The following TRIM33 variants were observed in gnomAD, a reference collection of about 807,000 sequenced individuals.
TRIM33 encodes E3 ubiquitin-protein ligase TRIM33.
Under a neutral mutation model 125.4 loss-of-function variants are expected in TRIM33, and 20 were observed. The observed-to-expected ratio is 0.16, with a 90% CI of 0.11 to 0.23. The LOEUF (loss-of-function observed/expected upper bound fraction) is 0.23. Ranked by LOEUF, TRIM33 falls within the 10% of genes least tolerant of loss-of-function variation. The pLI, the probability that TRIM33 is intolerant of heterozygous loss-of-function variation, is 1.00. For synonymous variants in TRIM33, 564 were observed against 513.9 expected (o/e 1.10, Z -1.32); for missense variants, 920 against 1,411.4 (o/e 0.65, Z 5.58).
intron 11 of TRIM33, among the ~76,000 whole-genome samples, chr1:114,416,094 T>C (rs951896256): frequency 2.6e-5 from 4 of 152,148 alleles, no homozygotes; most frequent in Non-Finnish European, 4.4e-5. Context: ...CATGGTAAGT[T>C]CTCAGATATT....
rs138826778 is a variant in TRIM33 at position 114,444,319 on chromosome 1, T to C, written c.924-10586A>G. Reference sequence around the variant, plus strand: ...CTGGGCTATATATGACAGGGTGAGATTACACAAAGTTTAGCAGACTGCCGT... The same window carrying C: ...CTGGGCTATATATGACAGGGTGAGACTACACAAAGTTTAGCAGACTGCCGT... On this transcript the variant is annotated intron_variant, in intron 4 of 19. Transcript: ENST00000358465. 5.2e-3 allele frequency among the ~76,000 whole-genome samples: 796 copies of C among 152,176 alleles called. 5 individuals are homozygous for C. Among genetic ancestry groups the C allele is most frequent in the South Asian group, 0.012 (58 of 4,826 alleles).
intron 11 of TRIM33, among the ~76,000 whole-genome samples, chr1:114,411,136 C>T (rs1319978307): frequency 1.3e-5 from 2 of 152,120 alleles, no homozygotes; most frequent in Non-Finnish European, 2.9e-5. Flanking sequence ...ACCTCCCAGG[C>T]TCAAGCCATG....
At chr1:114,414,989 A>ATTTTTTTTTTTTTTT (rs56960865) in intron 11 of TRIM33, among the ~76,000 whole-genome samples, 7 of 104,702 alleles carry the variant, frequency 6.7e-5, no homozygotes, top group Non-Finnish European at 1.3e-4. Flanking sequence ...GGTAGATTCT[A>ATTTTTTTTTTTTTTT]TTTTTTTTTT....
chr1:114,491,589 A>AGG (rs1352008779), intron 1 of TRIM33, among the ~76,000 whole-genome samples: 2 of 152,144 alleles, frequency 1.3e-5, no homozygotes, highest in African/African-American at 4.8e-5. Context: ...ATAAAGCTTG[A>AGG]GTCCAGAGTT....
intron 17 of TRIM33, among the ~76,000 whole-genome samples, chr1:114,400,209 A>C (rs1424554957): frequency 1.3e-5 from 2 of 152,076 alleles, no homozygotes; most frequent in East Asian, 3.9e-4. Flanking sequence ...CTGATTGACT[A>C]ATTGATTTTT....
intron 1 of TRIM33, among the ~76,000 whole-genome samples, chr1:114,503,262 A>G (rs922068454): frequency 6.6e-6 from 1 of 152,146 alleles, no homozygotes; most frequent in African/African-American, 2.4e-5. Flanking sequence ...GGGCAGATCA[A>G]CTGAGGTCAG....
intron 11 of TRIM33, 43 bp from the exon 12 acceptor site, chr1:114,410,359 CAGAGA>C (rs1557847159): frequency 6.3e-7 from 1 of 1,581,756 alleles, no homozygotes. Context: ...TTGATTAAAG[CAGAGA>C]AGTTATTAAT....
rs1557880087 is a variant in TRIM33 at position 114,463,086 on chromosome 1, C to T, written c.923+18G>A. ...ACTTTTTATAGTATTTCCTGGTAAG[C>T]AATTATGATTTCTGTACCTATGTTC... On this transcript the variant is annotated intron_variant, in intron 4 of 19. Transcript: ENST00000358465. 1 of 1,558,168 alleles carries T rather than the reference C, an allele frequency of 6.4e-7. No individual in the cohort carries two copies. Among genetic ancestry groups the T allele is most frequent in the South Asian group, 1.2e-5 (1 of 81,294 alleles).
At chr1:114,442,165 C>A (rs556160308) in intron 4 of TRIM33, among the ~76,000 whole-genome samples, 2 of 152,054 alleles carry the variant, frequency 1.3e-5, no homozygotes, top group Admixed American at 6.6e-5. Flanking sequence ...GAATATCTAC[C>A]GAACAAATGA....
At chr1:114,490,084 CAAAA>C (rs776451339) in intron 1 of TRIM33, among the ~76,000 whole-genome samples, 903 of 37,572 alleles carry the variant, frequency 0.024, 5 homozygotes, top group African/African-American at 0.088. Flanking sequence ...GACTCCGTCT[CAAAA>C]AAAAAAAAAA....
At chr1:114,418,393 G>A (rs570165715) in intron 11 of TRIM33, among the ~76,000 whole-genome samples, 255 of 152,310 alleles carry the variant, frequency 1.7e-3, no homozygotes, top group Non-Finnish European at 2.9e-3. Context: ...AAGAGTCGGG[G>A]AGGATCTGAT....
intron 1 of TRIM33, among the ~76,000 whole-genome samples, chr1:114,476,082 C>A (rs867000460): frequency 1.3e-5 from 2 of 151,750 alleles, no homozygotes; most frequent in East Asian, 1.9e-4. Context: ...ATATAAAAAA[C>A]CAAAACATAA....
intron 1 of TRIM33, chr1:114,468,485 TGAAGA>T: frequency 2.7e-6 from 1 of 373,934 alleles, no homozygotes. Flanking sequence ...TGGAAGCTGA[TGAAGA>T]GAACAGTAGG....
chr1:114,427,991 A>T, intron 6 of TRIM33, 97 bp from the exon 7 acceptor site: 1 of 1,263,658 alleles, frequency 7.9e-7, no homozygotes, highest in Non-Finnish European at 1.1e-6. Flanking sequence ...TACTTCCTTT[A>T]AAAATGGGCT....
intron 1 of TRIM33, chr1:114,490,947 GA>G (rs1652024789): frequency 6.6e-6 from 1 of 152,216 alleles, no homozygotes; most frequent in African/African-American, 2.4e-5. Flanking sequence ...GAAATGTCCA[GA>G]ATAGGCAAAT....
intron 11 of TRIM33, among the ~76,000 whole-genome samples, chr1:114,414,989 A>ATCTTTTT (rs1652840626): frequency 9.6e-6 from 1 of 104,702 alleles, no homozygotes; most frequent in Non-Finnish European, 1.9e-5. Context: ...GGTAGATTCT[A>ATCTTTTT]TTTTTTTTTT....
intron 1 of TRIM33, among the ~76,000 whole-genome samples, chr1:114,491,569 A>G (rs1652065708): frequency 6.6e-6 from 1 of 152,134 alleles, no homozygotes; most frequent in Non-Finnish European, 1.5e-5. Flanking sequence ...TGGGAGGCTA[A>G]AGTAGGTAGA....
Position 114,485,590 on chromosome 1 carries a change from G to C in TRIM33, c.527-21202C>G, listed in dbSNP as rs112320824. 8.0e-3 allele frequency among the ~76,000 whole-genome samples: 1,222 copies of C among 152,294 alleles called. 16 individuals are homozygous for C. The highest frequency in any genetic ancestry group is 0.012 in the Non-Finnish European group (831 of 68,032). ...TAAATCAGAGGTGACAAGGTGGTAT[G>C]AGTTGGTACCCCACTTCATCAGGAA... On this transcript the variant is annotated intron_variant, in intron 1 of 19. Coordinates refer to ENST00000358465, the MANE Select transcript of TRIM33 (RefSeq NM_015906.4).
intron 11 of TRIM33, among the ~76,000 whole-genome samples, chr1:114,410,661 G>A (rs1403376303): frequency 1.3e-5 from 2 of 151,942 alleles, no homozygotes; most frequent in African/African-American, 4.8e-5. Context: ...CCATTTCAGT[G>A]TCCACAATCA....
Sources: gnomAD v4.1 joint callset for allele counts (sites outside exome capture counted in the v4.1 genomes callset) on GRCh38, gnomAD v4.1.1 for gene constraint, MANE v1.5 for transcripts, NCBI Gene and HGNC (gene_info 2026-07-23, HGNC 2026-07-21) for gene names.